The following SHOC1 variants were observed in gnomAD, a reference collection of about 807,000 sequenced individuals.
SHOC1 encodes the protein shortage in chiasmata 1.
SHOC1 carries 136 observed loss-of-function variants against 179.2 expected under a neutral mutation model. The ratio of observed to expected loss-of-function variants is 0.76; its 90% confidence interval spans 0.66 to 0.87. The LOEUF is 0.87. Ranked by LOEUF, SHOC1 falls within the 40% of genes least tolerant of loss-of-function variation. The probability of loss-of-function intolerance (pLI) is 0.00; values close to 1 mark genes in which losing one functional copy is unlikely to be tolerated. For missense variants in SHOC1, 1,538 were observed against 1,700.8 expected, an observed-to-expected ratio of 0.90 and a Z score of 1.68; for synonymous variants, 489 against 586.6, an observed-to-expected ratio of 0.83 and a Z score of 2.41.
intron 5 of SHOC1, among the ~76,000 whole-genome samples, chr9:111,773,097 G>A (rs1835684970): frequency 6.6e-6 from 1 of 152,026 alleles, no homozygotes; most frequent in African/African-American, 2.4e-5. Flanking sequence ...CCTAGGATCT[G>A]TCTCATCCTC....
At chr9:111,777,537 C>T (rs996972325) in intron 4 of SHOC1, among the ~76,000 whole-genome samples, 2 of 152,152 alleles carry the variant, frequency 1.3e-5, no homozygotes, top group Admixed American at 6.5e-5. Context: ...ACAATTTTTG[C>T]GAAGGCGGTT....
intron 1 of SHOC1, among the ~76,000 whole-genome samples, chr9:111,791,672 T>C (rs1196825191): frequency 6.6e-6 from 1 of 152,120 alleles, no homozygotes; most frequent in Non-Finnish European, 1.5e-5. Flanking sequence ...CATATAGCTG[T>C]TAGTTGGTTG....
At chr9:111,722,882 A>G (rs1833129706) in intron 14 of SHOC1, among the ~76,000 whole-genome samples, 1 of 151,962 alleles carries the variant, frequency 6.6e-6, no homozygotes. Context: ...GCTCACTGCA[A>G]CCTCCGTCTC....
rs779753093 is a variant in SHOC1 at position 111,727,904 on chromosome 9, A to G, written c.1563T>C (p.Asp521=). The G allele has an allele frequency of 3.1e-6, 5 of 1,613,250 alleles. No homozygotes were observed. In the African/African-American group the frequency reaches 4.0e-5, roughly 13 times the overall value. Residue 521 remains aspartate (D), a synonymous_variant, in exon 13 of 28, where the codon GAT becomes GAC. Transcript: ENST00000682961. ...GTTTTTCTTCTTTTGCTGCTCCTTT[A>G]TCAGAGAAATAGTCATCAGAAAAAC... The part of the protein sequence containing the change: ...DLCFSDDYFS[D]KGAAKEEKPK...
intron 24 of SHOC1, among the ~76,000 whole-genome samples, chr9:111,697,598 A>T (rs1180672164): frequency 2.0e-5 from 3 of 152,164 alleles, no homozygotes; most frequent in African/African-American, 4.8e-5. Context: ...TCATTGATGG[A>T]CATTTGAGTT....
intron 11 of SHOC1, among the ~76,000 whole-genome samples, chr9:111,740,860 C>A (rs1210480895): frequency 6.6e-6 from 1 of 152,174 alleles, no homozygotes; most frequent in Non-Finnish European, 1.5e-5. Flanking sequence ...GTGTGAGCCA[C>A]GGTGCCCGGC....
At chr9:111,743,419 T>C (rs1204922357) in intron 10 of SHOC1, among the ~76,000 whole-genome samples, 1 of 152,174 alleles carries the variant, frequency 6.6e-6, no homozygotes, top group Non-Finnish European at 1.5e-5. Context: ...GTGATGAAAT[T>C]TCATGCCATC....
chr9:111,790,688 G>C (rs1319876528), intron 2 of SHOC1, among the ~76,000 whole-genome samples: 1 of 152,076 alleles, frequency 6.6e-6, no homozygotes, highest in East Asian at 1.9e-4. Context: ...TGGGATTACA[G>C]GCGCCCACCA....
intron 12 of SHOC1, among the ~76,000 whole-genome samples, chr9:111,728,439 T>C (rs1833409883): frequency 6.6e-6 from 1 of 152,150 alleles, no homozygotes; most frequent in South Asian, 2.1e-4. Flanking sequence ...CCAAAATATA[T>C]AAAGAACTCC....
At chr9:111,790,980 G>A (rs1217231126) in intron 2 of SHOC1, among the ~76,000 whole-genome samples, 3 of 152,164 alleles carry the variant, frequency 2.0e-5, no homozygotes, top group Non-Finnish European at 4.4e-5. Flanking sequence ...CCAAAAATTT[G>A]AAATCCAAAA....
intron 3 of SHOC1, among the ~76,000 whole-genome samples, chr9:111,782,137 G>A (rs547809143): frequency 7.9e-5 from 12 of 152,292 alleles, no homozygotes; most frequent in African/African-American, 1.2e-4. Context: ...GCATGAACCC[G>A]GGAGGCGGAG....
chr9:111,765,547 A>G (rs1476314767), intron 5 of SHOC1, among the ~76,000 whole-genome samples: 1 of 150,746 alleles, frequency 6.6e-6, no homozygotes, highest in South Asian at 2.1e-4. Flanking sequence ...CAGAGATTGC[A>G]CCATTGCACT....
At chr9:111,754,419 T>C (rs1450564644) in intron 8 of SHOC1, among the ~76,000 whole-genome samples, 1 of 152,170 alleles carries the variant, frequency 6.6e-6, no homozygotes, top group African/African-American at 2.4e-5. Context: ...GAGATATCAC[T>C]TCACACCTAG....
chr9:111,790,212 T>TA (rs1034991014), intron 2 of SHOC1, among the ~76,000 whole-genome samples: 25 of 152,338 alleles, frequency 1.6e-4, no homozygotes, highest in African/African-American at 5.5e-4. Flanking sequence ...CTTATGATGA[T>TA]AAAATCATAG....
intron 27 of SHOC1, 83 bp downstream of exon 27, chr9:111,691,467 CA>C (rs370909809): frequency 1.2e-4 from 161 of 1,361,580 alleles, no homozygotes; most frequent in South Asian, 2.9e-4. Flanking sequence ...GTAATTAAAA[CA>C]AAAAAAATGT....
chr9:111,736,535 G>A (rs1212332864), intron 12 of SHOC1, among the ~76,000 whole-genome samples: 6 of 152,022 alleles, frequency 3.9e-5, no homozygotes, highest in Admixed American at 1.3e-4. Flanking sequence ...AAACTGGATC[G>A]CTATCTTTCA....
chr9:111,688,924 T>G (rs1831299836), intron 27 of SHOC1, among the ~76,000 whole-genome samples: 1 of 152,146 alleles, frequency 6.6e-6, no homozygotes. Context: ...TTATATGGCT[T>G]TTTAAAATAT....
intron 6 of SHOC1, 105 bp downstream of exon 6, chr9:111,758,590 A>G: frequency 8.4e-7 from 1 of 1,184,424 alleles, no homozygotes; most frequent in Non-Finnish European, 1.2e-6. Flanking sequence ...CTCATCTCAA[A>G]ACAAAACAAA....
In SHOC1 at chr9:111,741,503, T is replaced by C; in HGVS notation, c.1147A>G (p.Ser383Gly). The C allele has an allele frequency of 6.2e-7, 1 of 1,612,088 alleles. No individual in the cohort carries two copies. Among genetic ancestry groups the C allele is most frequent in the Non-Finnish European group, 8.5e-7 (1 of 1,178,638 alleles). Reference sequence around the variant, plus strand: ...GTAAGCAAAAATGGGTTCAAAGGGCTTCTACATCTTTCTAATTGCCACATC... The same window carrying C: ...GTAAGCAAAAATGGGTTCAAAGGGCCTCTACATCTTTCTAATTGCCACATC... ...YMMWQLERCR[S>G]PLNPFLLTVP... is the part of the protein sequence containing the mutation. Residue 383 changes from serine to glycine, a missense_variant, in exon 11 of 28, where the codon AGC (serine) becomes GGC (glycine). By Grantham distance (56) the Ser-to-Gly change is moderately conservative (BLOSUM62 0). Transcript: ENST00000682961.
Sources: gnomAD v4.1 joint callset for allele counts (sites outside exome capture counted in the v4.1 genomes callset) on GRCh38, gnomAD v4.1.1 for gene constraint, MANE v1.5 for transcripts, NCBI Gene and HGNC (gene_info 2026-07-23, HGNC 2026-07-21) for gene names.